IRF2: variants seen among roughly 807,000 people sequenced by gnomAD.
IRF2 encodes interferon regulatory factor 2.
IRF2 carries 15 observed loss-of-function variants against 40.6 expected under a neutral mutation model. The observed-to-expected ratio is 0.37, with a 90% CI of 0.25 to 0.57. IRF2 has a LOEUF of 0.57. IRF2 is among the 20% of genes least tolerant of loss of function. The pLI is 0.77. For missense variants in IRF2, 317 were observed against 455.7 expected (o/e 0.70, Z 2.77); for synonymous variants, 151 against 165.5 (o/e 0.91, Z 0.67).
At chr4:184,390,780 C>T (rs1183362225) in intron 7 of IRF2, 31 bp from the exon 8 acceptor site, 17 of 1,612,756 alleles carry the variant, frequency 1.1e-5, no homozygotes, top group Non-Finnish European at 1.3e-5. Context: ...ACAGGGCCAT[C>T]ATTCCTGTCC....
intron 1 of IRF2, among the ~76,000 whole-genome samples, chr4:184,456,648 G>C (rs1010393074): frequency 6.6e-6 from 1 of 152,246 alleles, no homozygotes; most frequent in Non-Finnish European, 1.5e-5. Context: ...CCTCCCTACC[G>C]GGAAACCGGG....
intron 1 of IRF2, among the ~76,000 whole-genome samples, chr4:184,449,566 A>C (rs998885524): frequency 3.9e-5 from 6 of 152,238 alleles, no homozygotes; most frequent in Non-Finnish European, 8.8e-5. Context: ...TGACGGAAGG[A>C]GCTTGCAGCC....
At chr4:184,421,646 C>T (rs1036285607) in intron 2 of IRF2, among the ~76,000 whole-genome samples, 3 of 152,096 alleles carry the variant, frequency 2.0e-5, no homozygotes, top group Non-Finnish European at 4.4e-5. Context: ...TAGGGTGACA[C>T]AATCTGAAAT....
At chr4:184,424,394 A>G (rs1737593400) in intron 2 of IRF2, among the ~76,000 whole-genome samples, 1 of 151,990 alleles carries the variant, frequency 6.6e-6, no homozygotes, top group Non-Finnish European at 1.5e-5. Context: ...TTAATCCCCA[A>G]TGTGGCAGTA....
At chr4:184,396,643 C>G (rs1211747482) in intron 7 of IRF2, among the ~76,000 whole-genome samples, 1 of 151,722 alleles carries the variant, frequency 6.6e-6, no homozygotes, top group Non-Finnish European at 1.5e-5. Flanking sequence ...ACTATGTTGC[C>G]CAGGCTGGTC....
chr4:184,388,923 C>G lies in IRF2; in HGVS notation c.885G>C (p.Glu295Asp). The G allele has an allele frequency of 1.9e-6, 3 of 1,614,150 alleles. No individual in the cohort carries two copies. The South Asian group carries it at 3.3e-5, about 18-fold the overall frequency. ...AGCTGTTGTAAGGCACCGGATTGCT[C>G]TCCTCTTTGATGGTGACCTGGAGGT... The part of the protein sequence containing the change: ...KPDLQVTIKE[E>D]SNPVPYNSSW... Residue 295 changes from glutamate (E) to aspartate (D), a missense_variant, in exon 9 of 9, where the codon GAG becomes GAC. Physicochemically the swap from Glu to Asp is conservative, Grantham distance 45 (BLOSUM62 2). Around this residue, in one of 2 missense-constraint regions of IRF2, gnomAD observed 262 missense variants for 334.0 expected, o/e 0.78. Transcript: ENST00000393593. The surrounding 1 kb of genome is among the most constrained non-coding windows in gnomAD (Gnocchi z 4.6).
At chr4:184,411,117 G>A (rs1737057711) in intron 5 of IRF2, among the ~76,000 whole-genome samples, 1 of 151,340 alleles carries the variant, frequency 6.6e-6, no homozygotes, top group Admixed American at 6.6e-5. Context: ...GAGTGCAATG[G>A]CGTGATCTTG....
intron 6 of IRF2, among the ~76,000 whole-genome samples, chr4:184,400,726 G>A (rs1390339218): frequency 6.6e-6 from 1 of 152,116 alleles, no homozygotes; most frequent in Non-Finnish European, 1.5e-5. Context: ...GCAGCATTTC[G>A]TGTCATCACT....
At chr4:184,471,523 T>C (rs1219866423) in intron 1 of IRF2, among the ~76,000 whole-genome samples, 1 of 152,220 alleles carries the variant, frequency 6.6e-6, no homozygotes, top group Non-Finnish European at 1.5e-5. Context: ...TCCATTTAGA[T>C]AGAGTACAGT....
At chr4:184,409,228 G>A (rs369565663) in intron 5 of IRF2, among the ~76,000 whole-genome samples, 15 of 152,170 alleles carry the variant, frequency 9.9e-5, no homozygotes, top group African/African-American at 2.7e-4. Context: ...GCAAGTAGAC[G>A]TGACTGTGCT....
chr4:184,455,781 C>T (rs1351458162), intron 1 of IRF2, among the ~76,000 whole-genome samples: 2 of 152,180 alleles, frequency 1.3e-5, no homozygotes, highest in African/African-American at 4.8e-5. Flanking sequence ...TATTTACATG[C>T]CATTTTCCGG....
Position 184,442,667 on chromosome 4 carries a change from C to T in IRF2, c.-6-13597G>A, listed in dbSNP as rs1008568852. Among the ~76,000 whole-genome samples, 13 of 152,068 alleles carry T rather than the reference C, an allele frequency of 8.5e-5. No homozygotes were observed. In the South Asian group the frequency reaches 2.1e-3, roughly 24 times the overall value. On this transcript the variant is annotated intron_variant, in intron 1 of 8. Coordinates refer to ENST00000393593, the MANE Select transcript of IRF2 (RefSeq NM_002199.4). ...ATATTTGTCAATTTCCACCTCCTGC[C>T]GTTTCAGTGCATATGAAGAGCAAAC...
At chr4:184,437,757 T>C (rs938388888) in intron 1 of IRF2, among the ~76,000 whole-genome samples, 1 of 146,964 alleles carries the variant, frequency 6.8e-6, no homozygotes, top group African/African-American at 2.5e-5. Context: ...CAGCACTCTA[T>C]ACAGAGCCAA....
chr4:184,410,918 C>T (rs1267526510), intron 5 of IRF2, among the ~76,000 whole-genome samples: 1 of 152,174 alleles, frequency 6.6e-6, no homozygotes, highest in African/African-American at 2.4e-5. Context: ...CCTGCAGAGA[C>T]ACCGGAACTG....
rs575127812 is a variant in IRF2 at position 184,403,659 on chromosome 4, C to CT, written c.529+4498dup. Among the ~76,000 whole-genome samples the CT allele has an allele frequency of 3.8e-3, 573 of 152,342 alleles. 2 individuals carry two copies. Among genetic ancestry groups the CT allele is most frequent in the Non-Finnish European group, 5.7e-3 (391 of 68,022 alleles). On this transcript the variant is annotated intron_variant, in intron 6 of 8. Coordinates refer to ENST00000393593, the MANE Select transcript of IRF2 (RefSeq NM_002199.4). Reference sequence around the variant, plus strand: ...CCTTACCCAACTCCAAATTTCAACTCTTTATAATATGCTCTCCCTAACAGA... The same window carrying CT: ...CCTTACCCAACTCCAAATTTCAACTCTTTTATAATATGCTCTCCCTAACAGA...
At chr4:184,405,932 A>T (rs1305697195) in intron 6 of IRF2, among the ~76,000 whole-genome samples, 1 of 152,068 alleles carries the variant, frequency 6.6e-6, no homozygotes, top group Non-Finnish European at 1.5e-5. Flanking sequence ...GAGTGGCCCC[A>T]CAGTCTCACC....
At chr4:184,416,224 G>A (rs116733653) in intron 5 of IRF2, among the ~76,000 whole-genome samples, 3,245 of 151,522 alleles carry the variant, frequency 0.021, 126 homozygotes, top group African/African-American at 0.075. Flanking sequence ...AGGCTGAGGC[G>A]GGAGGATCAC....
intron 1 of IRF2, among the ~76,000 whole-genome samples, chr4:184,442,109 C>T (rs1022091041): frequency 3.3e-5 from 5 of 152,074 alleles, no homozygotes; most frequent in Non-Finnish European, 5.9e-5. Context: ...TGAGCTGGCC[C>T]GGGTGCACAG....
chr4:184,396,436 CTTTTTTTTTTT>C (rs749998648), intron 7 of IRF2, among the ~76,000 whole-genome samples: 1 of 134,724 alleles, frequency 7.4e-6, no homozygotes, highest in Non-Finnish European at 1.6e-5. Context: ...ATTTTTTTTT[CTTTTTTTTTTT>C]TTTTAAGACA....
Sources: gnomAD v4.1 joint callset for allele counts (sites outside exome capture counted in the v4.1 genomes callset) on GRCh38, gnomAD v4.1.1 for gene constraint, gnomAD v4.1.1 regional missense constraint, Gnocchi (gnomAD v3.1) non-coding constraint, MANE v1.5 for transcripts, NCBI Gene and HGNC (gene_info 2026-07-23, HGNC 2026-07-21) for gene names.